The following CHST9 variants were observed in gnomAD, a reference collection of about 807,000 sequenced individuals.
CHST9 encodes the protein carbohydrate sulfotransferase 9, also known as GalNAc-4-sulfotransferase 2.
A neutral mutation model predicts 44.4 loss-of-function variants in CHST9; 41 were observed. That is an observed-to-expected ratio of 0.92 (90% CI 0.72 to 1.20). CHST9 has a LOEUF of 1.20. Ranked by LOEUF, CHST9 falls within the 50% of genes most tolerant of loss-of-function variation. The pLI is 0.00. For missense variants in CHST9, 504 were observed against 516.5 expected (o/e 0.98, Z 0.23); for synonymous variants, 171 against 178.4 (o/e 0.96, Z 0.33).
chr18:26,990,717 T>A (rs993384950), intron 4 of CHST9, among the ~76,000 whole-genome samples: 2 of 152,246 alleles, frequency 1.3e-5, no homozygotes, highest in African/African-American at 4.8e-5. Flanking sequence ...CCCTGCAGAA[T>A]CTGTCTCCTG....
At chr18:26,999,895 TAA>T (rs2056928993) in intron 4 of CHST9, among the ~76,000 whole-genome samples, 1 of 152,204 alleles carries the variant, frequency 6.6e-6, no homozygotes, top group South Asian at 2.1e-4. Flanking sequence ...ACTTAGACGT[TAA>T]GTGGGACAGT....
At position 26,910,903 on chromosome 18, in the gene CHST9, C is replaced by T. The variant is rs1447371172; in HGVS notation, c.*5356G>A. The T allele has an allele frequency of 6.6e-6, 1 of 152,158 alleles. No individual in the cohort carries two copies. The highest frequency in any genetic ancestry group is 1.5e-5 in the Non-Finnish European group (1 of 68,036). 9.4% of individuals were successfully genotyped at this position (152,158 alleles called of 1,614,324 possible). A position where few individuals can be genotyped will look rare whatever the true frequency, so the allele number is the denominator to read the frequency against. ...TCCCGTGTCTGCTACTGAGTAGATC[C>T]TCAGTAAATGGCTCTTATGTTGACC... is the stretch of plus-strand genomic sequence containing the variant. On this transcript the variant is annotated 3_prime_UTR_variant, in exon 6 of 6. Transcript: ENST00000618847.
chr18:27,148,263 T>C (rs191815138), intron 1 of CHST9, among the ~76,000 whole-genome samples: 1,708 of 151,644 alleles, frequency 0.011, 28 homozygotes, highest in African/African-American at 0.036. Flanking sequence ...TTTTTAATTT[T>C]ATTATTATTA....
At chr18:27,178,498 A>G (rs2143975678) in intron 1 of CHST9, among the ~76,000 whole-genome samples, 1 of 152,150 alleles carries the variant, frequency 6.6e-6, no homozygotes, top group East Asian at 1.9e-4. Flanking sequence ...CTTCATTTTC[A>G]AGAGCAGATC....
At chr18:27,163,252 C>A (rs1309335197) in intron 1 of CHST9, among the ~76,000 whole-genome samples, 1 of 152,174 alleles carries the variant, frequency 6.6e-6, no homozygotes, top group Non-Finnish European at 1.5e-5. Context: ...TTAGGCTACT[C>A]AGGGGTCAGG....
intron 1 of CHST9, among the ~76,000 whole-genome samples, chr18:27,160,719 G>C (rs1219011585): frequency 6.6e-6 from 1 of 152,106 alleles, no homozygotes; most frequent in Non-Finnish European, 1.5e-5. Context: ...AGTATAATTC[G>C]GCAGTGAATC....
At chr18:26,975,499 G>C (rs1456735346) in intron 4 of CHST9, among the ~76,000 whole-genome samples, 5 of 151,572 alleles carry the variant, frequency 3.3e-5, no homozygotes, top group African/African-American at 1.2e-4. Flanking sequence ...ACATTATTTA[G>C]CTCCCACTTA....
At chr18:26,969,550 T>C (rs1488879632) in intron 4 of CHST9, among the ~76,000 whole-genome samples, 1 of 152,146 alleles carries the variant, frequency 6.6e-6, no homozygotes, top group Non-Finnish European at 1.5e-5. Flanking sequence ...GGCTAGGCAC[T>C]CTCCTGGGCT....
chr18:27,016,570 G>A (rs2057157147), intron 4 of CHST9, among the ~76,000 whole-genome samples: 1 of 152,152 alleles, frequency 6.6e-6, no homozygotes, highest in Admixed American at 6.5e-5. Flanking sequence ...AGCTCCCGGA[G>A]GTCAGGTACC....
Position 26,907,035 on chromosome 18 carries a change from G to A in CHST9, c.*9224C>T, listed in dbSNP as rs1478916444. 1 of 152,228 alleles carries A rather than the reference G, an allele frequency of 6.6e-6. No individual in the cohort carries two copies. Among genetic ancestry groups the A allele is most frequent in the East Asian group, 1.9e-4 (1 of 5,192 alleles). The allele number at this position is 152,228 out of a possible 1,614,324, so 9.4% of individuals were successfully genotyped here. A position where few individuals can be genotyped will look rare whatever the true frequency, so the allele number is the denominator to read the frequency against. ...GGGAAACAGAACTGGAATTGGATTT[G>A]CATTTTAAAGTGATTACAAGGGCAG... On this transcript the variant is annotated 3_prime_UTR_variant, in exon 6 of 6. Coordinates refer to ENST00000618847, the MANE Select transcript of CHST9 (RefSeq NM_031422.6).
chr18:26,994,888 C>A (rs771944525), intron 4 of CHST9, among the ~76,000 whole-genome samples: 1 of 151,970 alleles, frequency 6.6e-6, no homozygotes. Context: ...TGTGCCTGGC[C>A]TGGATTTATT....
At chr18:27,064,411 CG>C in intron 2 of CHST9, among the ~76,000 whole-genome samples, 1 of 152,178 alleles carries the variant, frequency 6.6e-6, no homozygotes, top group Middle Eastern at 3.4e-3. Flanking sequence ...CACTCTGTTC[CG>C]CACGCATCAG....
intron 4 of CHST9, among the ~76,000 whole-genome samples, chr18:26,976,665 C>A (rs762912977): frequency 2.6e-5 from 4 of 152,070 alleles, no homozygotes; most frequent in Non-Finnish European, 4.4e-5. Context: ...TCCTTCTCTA[C>A]CGTGGATGGG....
intron 3 of CHST9, among the ~76,000 whole-genome samples, chr18:27,041,046 T>C (rs1215249611): frequency 6.6e-6 from 1 of 152,132 alleles, no homozygotes; most frequent in African/African-American, 2.4e-5. Flanking sequence ...CTGTCATTAT[T>C]ATATTGACTG....
At chr18:26,994,433 C>G (rs1273637216) in intron 4 of CHST9, among the ~76,000 whole-genome samples, 1 of 151,894 alleles carries the variant, frequency 6.6e-6, no homozygotes, top group Non-Finnish European at 1.5e-5. Flanking sequence ...CCAGAAAGAG[C>G]GATTTTCTCA....
intron 2 of CHST9, among the ~76,000 whole-genome samples, chr18:27,129,963 A>T (rs1019564136): frequency 6.6e-6 from 1 of 152,058 alleles, no homozygotes; most frequent in Non-Finnish European, 1.5e-5. Context: ...AAGGATCTTG[A>T]GCCCTCTTGG....
At chr18:27,151,211 G>A (rs2058656597) in intron 1 of CHST9, among the ~76,000 whole-genome samples, 1 of 151,976 alleles carries the variant, frequency 6.6e-6, no homozygotes, top group South Asian at 2.1e-4. Flanking sequence ...TTTTAATACT[G>A]TGTAATTCCT....
chr18:26,984,165 T>G (rs944582043), intron 4 of CHST9, among the ~76,000 whole-genome samples: 4 of 152,232 alleles, frequency 2.6e-5, no homozygotes, highest in Non-Finnish European at 5.9e-5. Context: ...ACTCACTTAA[T>G]TGTAACTTTT....
chr18:27,074,358 A>G (rs2057876037), intron 2 of CHST9, among the ~76,000 whole-genome samples: 1 of 152,208 alleles, frequency 6.6e-6, no homozygotes. Flanking sequence ...ATAGTCTTTA[A>G]TGACTGGTAT....
Sources: gnomAD v4.1 joint callset for allele counts (sites outside exome capture counted in the v4.1 genomes callset) on GRCh38, gnomAD v4.1.1 for gene constraint, MANE v1.5 for transcripts, NCBI Gene and HGNC (gene_info 2026-07-23, HGNC 2026-07-21) for gene names.